EVA1A: variants seen among roughly 807,000 people sequenced by gnomAD.
EVA1A encodes the protein eva-1 homolog A, regulator of programmed cell death.
Under a neutral mutation model 9.8 loss-of-function variants are expected in EVA1A, and 7 were observed. The observed-to-expected ratio is 0.71, with a 90% CI of 0.41 to 1.34. The LOEUF (loss-of-function observed/expected upper bound fraction) is 1.34. Ranked by LOEUF, EVA1A falls within the 40% of genes most tolerant of loss-of-function variation. The pLI, the probability that EVA1A is intolerant of heterozygous loss-of-function variation, is 0.01. For missense variants in EVA1A, 206 were observed against 205.9 expected (o/e 1.00, Z 0.00); for synonymous variants, 90 against 85.6 (o/e 1.05, Z -0.28).
chr2:75,539,181 GA>G (rs2103929711), intron 1 of EVA1A, among the ~76,000 whole-genome samples: 1 of 152,234 alleles, frequency 6.6e-6, no homozygotes, highest in East Asian at 1.9e-4. Context: ...GATATTAGGG[GA>G]AATATCCTCT....
At chr2:75,567,731 G>A (rs888549710) in intron 1 of EVA1A, among the ~76,000 whole-genome samples, 1 of 152,322 alleles carries the variant, frequency 6.6e-6, no homozygotes, top group Middle Eastern at 3.4e-3. Flanking sequence ...CAACTGGATG[G>A]CAATGTGTTC....
At chr2:75,538,553 AG>A (rs1310418114) in intron 1 of EVA1A, among the ~76,000 whole-genome samples, 1 of 152,220 alleles carries the variant, frequency 6.6e-6, no homozygotes, top group East Asian at 1.9e-4. Context: ...TATTTATAGC[AG>A]CTGTATTTGC....
intron 1 of EVA1A, among the ~76,000 whole-genome samples, chr2:75,529,169 C>A (rs779310966): frequency 1.3e-5 from 2 of 152,120 alleles, no homozygotes; most frequent in Admixed American, 1.3e-4. Context: ...GCCTGGAGCA[C>A]GGTAGTTCAG....
At position 75,509,982 on chromosome 2, in the gene EVA1A, G is replaced by A. The variant is rs578077843; in HGVS notation, c.85+8074C>T. 3.3e-5 allele frequency among the ~76,000 whole-genome samples: 5 copies of A among 152,258 alleles called. No individual in the cohort carries two copies. In the South Asian group the frequency reaches 1.0e-3, roughly 32 times the overall value. On this transcript the variant is annotated intron_variant, in intron 3 of 3. Coordinates refer to ENST00000393913, the MANE Select transcript of EVA1A (RefSeq NM_001135032.2). ...AAACAAAAACAGCATATGACTAGTA[G>A]ATGTTAAAGCTGGGTGACAGGTCTA... is the stretch of plus-strand genomic sequence containing the variant.
intron 1 of EVA1A, among the ~76,000 whole-genome samples, chr2:75,554,414 C>G (rs1185842575): frequency 6.6e-6 from 1 of 152,154 alleles, no homozygotes; most frequent in Non-Finnish European, 1.5e-5. Flanking sequence ...TGCCCCCAGG[C>G]ACAGCCTCAG....
In EVA1A at chr2:75,507,405, G is replaced by A. The variant is rs532491069; in HGVS notation, c.85+10651C>T. ...CTAGGACTGCAAATTGAGTATTCAGGCCCCAGGCAAGAGGTCTTCCCAGGT... is the reference window on the plus strand; with the variant it reads ...CTAGGACTGCAAATTGAGTATTCAGACCCCAGGCAAGAGGTCTTCCCAGGT... On this transcript the variant is annotated intron_variant, in intron 3 of 3. Coordinates refer to ENST00000393913, the MANE Select transcript of EVA1A (RefSeq NM_001135032.2). Among the ~76,000 whole-genome samples the A allele has an allele frequency of 2.0e-5, 3 of 152,238 alleles. No homozygotes were observed. In the East Asian group the frequency reaches 5.8e-4, roughly 29 times the overall value.
intron 3 of EVA1A, among the ~76,000 whole-genome samples, chr2:75,505,826 A>G (rs1674600825): frequency 6.6e-6 from 1 of 152,090 alleles, no homozygotes; most frequent in Non-Finnish European, 1.5e-5. Context: ...AAAAAAGGGT[A>G]GGGAATTTTT....
At chr2:75,547,293 G>C (rs1020167743) in intron 1 of EVA1A, among the ~76,000 whole-genome samples, 2 of 152,200 alleles carry the variant, frequency 1.3e-5, no homozygotes, top group African/African-American at 4.8e-5. Context: ...GAGGAGAAAA[G>C]ATTCTGCATC....
At chr2:75,538,129 A>G (rs1325771341) in intron 1 of EVA1A, among the ~76,000 whole-genome samples, 1 of 152,048 alleles carries the variant, frequency 6.6e-6, no homozygotes, top group Non-Finnish European at 1.5e-5. Context: ...GTCTCTACTA[A>G]AAATATGAAA....
chr2:75,544,966 A>G (rs145900181), intron 1 of EVA1A, among the ~76,000 whole-genome samples: 180 of 152,338 alleles, frequency 1.2e-3, no homozygotes, highest in Middle Eastern at 3.4e-3. Context: ...TCATGAGGCT[A>G]CAGTGTTCAT....
chr2:75,517,092 T>C (rs1376161308), intron 3 of EVA1A, among the ~76,000 whole-genome samples: 3 of 151,848 alleles, frequency 2.0e-5, no homozygotes, highest in East Asian at 3.9e-4. Context: ...TGAAATCAGG[T>C]TGCGCGTCAT....
chr2:75,496,355 A>G (rs1458353138), intron 3 of EVA1A, among the ~76,000 whole-genome samples: 3 of 152,190 alleles, frequency 2.0e-5, no homozygotes, highest in South Asian at 2.1e-4. Context: ...TGCAAAATCA[A>G]TACAAAAATC....
At position 75,493,057 on chromosome 2, in the gene EVA1A, ACTT is replaced by A; in HGVS notation, c.*176_*178del. 1.2e-6 allele frequency: 1 copy of A among 832,350 alleles called. No homozygotes were observed. The highest frequency in any genetic ancestry group is 2.5e-5 in the East Asian group (1 of 39,714). 51.6% of individuals were successfully genotyped at this position (832,350 alleles called of 1,614,324 possible). On this transcript the variant is annotated 3_prime_UTR_variant, in exon 4 of 4. Transcript: ENST00000393913. ...GGTGATGAACTGCTTTGATTTTTCT[ACTT>A]CTCCATACATTTGGCCAAAAAGGAG...
At chr2:75,511,447 G>T (rs1309058349) in intron 3 of EVA1A, among the ~76,000 whole-genome samples, 3 of 152,158 alleles carry the variant, frequency 2.0e-5, no homozygotes, top group Non-Finnish European at 4.4e-5. Context: ...ATACATAGTT[G>T]TCTAAAAGAA....
chr2:75,492,948 C>T lies in EVA1A; in HGVS notation c.*288G>A. Reference sequence around the variant, plus strand: ...TGAAACTTCTGAGATCCTCAGAAATCAAGAGAAACCACAGTCGCGTTTCTC... The same window carrying T: ...TGAAACTTCTGAGATCCTCAGAAATTAAGAGAAACCACAGTCGCGTTTCTC... On this transcript the variant is annotated 3_prime_UTR_variant, in exon 4 of 4. Transcript: ENST00000393913. 1 of 400,742 alleles carries T rather than the reference C, an allele frequency of 2.5e-6. No homozygotes were observed. 24.8% of individuals were successfully genotyped at this position (400,742 alleles called of 1,614,324 possible).
At chr2:75,527,682 T>A (rs1380366553) in intron 1 of EVA1A, among the ~76,000 whole-genome samples, 2 of 151,846 alleles carry the variant, frequency 1.3e-5, no homozygotes, top group Non-Finnish European at 2.9e-5. Context: ...AATAAAGAAA[T>A]TAAAAGCCTC....
chr2:75,554,035 A>G (rs1331315517), intron 1 of EVA1A, among the ~76,000 whole-genome samples: 1 of 152,146 alleles, frequency 6.6e-6, no homozygotes, highest in Admixed American at 6.5e-5. Context: ...ATGGGCTGCT[A>G]TGGCCTGTCT....
intron 3 of EVA1A, among the ~76,000 whole-genome samples, chr2:75,515,627 T>G (rs1341753592): frequency 6.6e-6 from 1 of 152,186 alleles, no homozygotes. Flanking sequence ...ATCAAATATT[T>G]TAAAACTCAA....
chr2:75,556,620 G>A (rs1029193796), intron 1 of EVA1A, among the ~76,000 whole-genome samples: 2 of 152,180 alleles, frequency 1.3e-5, no homozygotes, highest in Non-Finnish European at 2.9e-5. Context: ...GAGACAGTAC[G>A]AGTCTGGTGT....
Sources: gnomAD v4.1 joint callset for allele counts (sites outside exome capture counted in the v4.1 genomes callset) on GRCh38, gnomAD v4.1.1 for gene constraint, MANE v1.5 for transcripts, NCBI Gene and HGNC (gene_info 2026-07-23, HGNC 2026-07-21) for gene names.